The following SGCZ variants were observed in gnomAD, a reference collection of about 807,000 sequenced individuals.
The protein encoded by SGCZ is zeta-sarcoglycan.
In SGCZ, 40 loss-of-function variants were observed where a neutral mutation model predicts 41.3. That is an observed-to-expected ratio of 0.97 (90% CI 0.75 to 1.26). The LOEUF is 1.26. Ranked by LOEUF, SGCZ falls within the 50% of genes most tolerant of loss-of-function variation. The pLI is 0.00. For synonymous variants in SGCZ, 206 were observed against 137.5 expected (o/e 1.50, Z -3.49); for missense variants, 552 against 369.8 (o/e 1.49, Z -4.04).
At chr8:14,620,191 G>A (rs189214252) in intron 1 of SGCZ, among the ~76,000 whole-genome samples, 91 of 152,160 alleles carry the variant, frequency 6.0e-4, no homozygotes, top group African/African-American at 2.0e-3. Context: ...AATGGGGAAA[G>A]GATTCCCTAT....
intron 1 of SGCZ, among the ~76,000 whole-genome samples, chr8:14,563,368 C>A (rs1804265604): frequency 1.3e-5 from 2 of 152,094 alleles, no homozygotes; most frequent in African/African-American, 4.8e-5. Flanking sequence ...GGATAGACGG[C>A]AAAGGCTAAA....
At chr8:14,782,702 A>T (rs558218503) in intron 1 of SGCZ, among the ~76,000 whole-genome samples, 2 of 140,994 alleles carry the variant, frequency 1.4e-5, no homozygotes, top group South Asian at 4.6e-4. Flanking sequence ...TTATTAGCAG[A>T]TGCAATAACC....
chr8:14,935,793 A>G (rs748336079), intron 1 of SGCZ, among the ~76,000 whole-genome samples: 1 of 151,924 alleles, frequency 6.6e-6, no homozygotes, highest in Non-Finnish European at 1.5e-5. Flanking sequence ...AACAAAGGCT[A>G]TTAAGATAGA....
At chr8:14,545,486 C>A (rs1803598115) in intron 2 of SGCZ, among the ~76,000 whole-genome samples, 1 of 151,152 alleles carries the variant, frequency 6.6e-6, no homozygotes, top group Admixed American at 6.6e-5. Flanking sequence ...CATTTTAAAA[C>A]TTAAAATTCT....
At chr8:14,274,475 C>T (rs1800164980) in intron 3 of SGCZ, among the ~76,000 whole-genome samples, 1 of 152,130 alleles carries the variant, frequency 6.6e-6, no homozygotes, top group South Asian at 2.1e-4. Context: ...CACTTGATTT[C>T]AGAACACAAG....
rs549722035 is a variant in SGCZ, at chr8:14,536,246, G to T, written c.234+18486C>A. ...TGTGTCAAATATGGCATAGATAAAAGAAACAATTCATTCATGTTGATAAGA... is the reference window on the plus strand; with the variant it reads ...TGTGTCAAATATGGCATAGATAAAATAAACAATTCATTCATGTTGATAAGA... On this transcript the variant is annotated intron_variant, in intron 2 of 7. Coordinates refer to ENST00000382080, the MANE Select transcript of SGCZ (RefSeq NM_139167.4). Among the ~76,000 whole-genome samples the T allele has an allele frequency of 8.4e-4, 128 of 151,846 alleles. 2 individuals are homozygous for T. The highest frequency in any genetic ancestry group is 3.0e-3 in the African/African-American group (126 of 41,522).
At chr8:14,723,677 T>TATAC (rs926549872) in intron 1 of SGCZ, among the ~76,000 whole-genome samples, 1 of 152,076 alleles carries the variant, frequency 6.6e-6, no homozygotes, top group African/African-American at 2.4e-5. Context: ...TATCTATATA[T>TATAC]ATATATGTCT....
intron 1 of SGCZ, among the ~76,000 whole-genome samples, chr8:14,584,855 T>C (rs73535246): frequency 2.2e-3 from 338 of 152,202 alleles, no homozygotes; most frequent in Middle Eastern, 6.8e-3. Context: ...ATAAGTACTA[T>C]TATTCCCAAT....
At chr8:14,721,649 A>G (rs1406301242) in intron 1 of SGCZ, among the ~76,000 whole-genome samples, 1 of 152,216 alleles carries the variant, frequency 6.6e-6, no homozygotes, top group East Asian at 1.9e-4. Flanking sequence ...TGATGGTTTT[A>G]TAATTTGTCA....
chr8:14,276,945 C>G (rs534265439), intron 3 of SGCZ, among the ~76,000 whole-genome samples: 1 of 152,102 alleles, frequency 6.6e-6, no homozygotes, highest in East Asian at 1.9e-4. Flanking sequence ...ATATTTAAAC[C>G]CCCACAAATT....
chr8:14,750,836 T>C (rs188109885), intron 1 of SGCZ, among the ~76,000 whole-genome samples: 1 of 152,340 alleles, frequency 6.6e-6, no homozygotes, highest in East Asian at 1.9e-4. Context: ...ACTGTGCCTA[T>C]TCAGGTTTGT....
chr8:14,654,886 C>G (rs967919250), intron 1 of SGCZ, among the ~76,000 whole-genome samples: 1 of 151,770 alleles, frequency 6.6e-6, no homozygotes. Context: ...AGGCTGGTTT[C>G]GAACTCCTGA....
At chr8:14,237,459 G>T in intron 4 of SGCZ, 133 bp downstream of exon 4, 1 of 815,462 alleles carries the variant, frequency 1.2e-6, no homozygotes, top group Non-Finnish European at 2.0e-6. Flanking sequence ...ACTCCAGCCT[G>T]GTGACAGAGT....
At chr8:14,219,367 A>G (rs950050437) in intron 4 of SGCZ, among the ~76,000 whole-genome samples, 13 of 152,190 alleles carry the variant, frequency 8.5e-5, no homozygotes, top group African/African-American at 3.1e-4. Flanking sequence ...CAAAAACTGC[A>G]ATGCCTGCAG....
At chr8:15,001,792 TA>T (rs768605649) in intron 1 of SGCZ, among the ~76,000 whole-genome samples, 16 of 151,488 alleles carry the variant, frequency 1.1e-4, no homozygotes, top group Non-Finnish European at 2.1e-4. Context: ...TAATATTTAT[TA>T]AGCACTTTCA....
chr8:14,519,758 G>T (rs368809018), intron 2 of SGCZ, among the ~76,000 whole-genome samples: 8 of 152,032 alleles, frequency 5.3e-5, no homozygotes, highest in African/African-American at 1.7e-4. Flanking sequence ...GAATATATTG[G>T]TTTTTGTTGA....
intron 1 of SGCZ, among the ~76,000 whole-genome samples, chr8:14,823,384 T>TG (rs1324940596): frequency 6.6e-6 from 1 of 151,774 alleles, no homozygotes; most frequent in Non-Finnish European, 1.5e-5. Context: ...AACTCAACAA[T>TG]AAAAAATAAA....
chr8:15,223,856 TTTTATTTA>T lies in SGCZ; in HGVS notation c.39+13721_39+13728del, dbSNP rs35421677. Among the ~76,000 whole-genome samples, 194 of 149,784 alleles carry T rather than the reference TTTTATTTA, an allele frequency of 1.3e-3. 1 individual carries two copies. Among genetic ancestry groups the T allele is most frequent in the African/African-American group, 4.0e-3 (162 of 40,664 alleles). ...GCCAGCGAAAAGCTCCTTTTTAAAT[TTTTATTTA>T]TTTATTTATTTATTTATTGAGACAG... is the stretch of plus-strand genomic sequence containing the variant. On this transcript the variant is annotated intron_variant, in intron 1 of 7. Coordinates refer to ENST00000382080, the MANE Select transcript of SGCZ (RefSeq NM_139167.4).
rs1411869670 is a variant in SGCZ, at chr8:15,208,902, T to TATATATAG, written c.39+28682_39+28683insCTATATAT. On this transcript the variant is annotated intron_variant, in intron 1 of 7. Coordinates refer to ENST00000382080, the MANE Select transcript of SGCZ (RefSeq NM_139167.4). ...ATACACATATCCCTATACATATATA[T>TATATATAG]AGAGAGAGAGAGAGAGAGAGAATTG... Among the ~76,000 whole-genome samples the TATATATAG allele has an allele frequency of 3.2e-3, 477 of 149,968 alleles. 5 individuals carry two copies. The highest frequency in any genetic ancestry group is 8.9e-3 in the South Asian group (42 of 4,724).
Sources: gnomAD v4.1 joint callset for allele counts (sites outside exome capture counted in the v4.1 genomes callset) on GRCh38, gnomAD v4.1.1 for gene constraint, MANE v1.5 for transcripts, NCBI Gene and HGNC (gene_info 2026-07-23, HGNC 2026-07-21) for gene names.